Variants in NTM observed in about 807,000 individuals in gnomAD.
The protein encoded by NTM is neurotrimin.
Under a neutral mutation model 42.1 loss-of-function variants are expected in NTM, and 13 were observed. The ratio of observed to expected loss-of-function variants is 0.31; its 90% CI spans 0.20 to 0.49. The LOEUF (loss-of-function observed/expected upper bound fraction) is 0.49. Among genes scored for constraint, NTM ranks in the 20% least tolerant of loss-of-function variants. NTM has a pLI of 0.99. For synonymous variants in NTM, 187 were observed against 179.2 expected (o/e 1.04, Z -0.35); for missense variants, 373 against 452.8 (o/e 0.82, Z 1.60).
At chr11:131,701,813 AG>A (rs1165373737) in intron 1 of NTM, among the ~76,000 whole-genome samples, 1 of 152,038 alleles carries the variant, frequency 6.6e-6, no homozygotes, top group Admixed American at 6.5e-5. Context: ...AAGCCAAGGG[AG>A]GGGTGGAAAT....
At chr11:131,882,391 TGAGGCTCACCCCTGTTATG>T (rs2049679929) in intron 1 of NTM, among the ~76,000 whole-genome samples, 1 of 152,212 alleles carries the variant, frequency 6.6e-6, no homozygotes, top group Admixed American at 6.5e-5. Context: ...ACTGATTGGA[TGAGGCTCACCCCTGTTATG>T]GAGAGTAATC....
At chr11:132,136,326 CTG>C in intron 2 of NTM, among the ~76,000 whole-genome samples, 1 of 152,230 alleles carries the variant, frequency 6.6e-6, no homozygotes, top group East Asian at 1.9e-4. Context: ...CATGTGGGCA[CTG>C]TGTTACCACC....
At chr11:131,402,112 T>C (rs912555537) in intron 1 of NTM, among the ~76,000 whole-genome samples, 1 of 151,614 alleles carries the variant, frequency 6.6e-6, no homozygotes, top group African/African-American at 2.4e-5. Flanking sequence ...AGGGTCGTCA[T>C]TGACCTATAT....
intron 2 of NTM, among the ~76,000 whole-genome samples, chr11:131,948,649 C>G (rs547117797): frequency 2.6e-5 from 4 of 152,258 alleles, no homozygotes; most frequent in African/African-American, 9.6e-5. Flanking sequence ...CCTGGAAAGG[C>G]CATCCTCATG....
intron 1 of NTM, among the ~76,000 whole-genome samples, chr11:131,393,111 C>T (rs1944209059): frequency 6.6e-6 from 1 of 152,164 alleles, no homozygotes; most frequent in Non-Finnish European, 1.5e-5. Context: ...CTCTCTCTGT[C>T]TGGAACGCCC....
chr11:132,242,773 C>T (rs893408004), intron 4 of NTM, among the ~76,000 whole-genome samples: 16 of 152,164 alleles, frequency 1.1e-4, no homozygotes, highest in Non-Finnish European at 2.1e-4. Flanking sequence ...ATGACTCCCT[C>T]GAGGTATTAT....
chr11:132,223,954 T>G (rs2138905917), intron 4 of NTM, among the ~76,000 whole-genome samples: 1 of 152,284 alleles, frequency 6.6e-6, no homozygotes, highest in South Asian at 2.1e-4. Context: ...TGGCTGAGGC[T>G]AGTGACAAGT....
intron 3 of NTM, among the ~76,000 whole-genome samples, chr11:132,189,125 TAGAA>T (rs1301765945): frequency 2.0e-5 from 3 of 152,116 alleles, no homozygotes; most frequent in Admixed American, 6.6e-5. Context: ...TGGTGGATGA[TAGAA>T]AGGAAGAGAG....
intron 1 of NTM, among the ~76,000 whole-genome samples, chr11:131,638,086 T>C (rs1178454589): frequency 2.0e-5 from 3 of 152,160 alleles, no homozygotes; most frequent in African/African-American, 7.2e-5. Context: ...CTCCTTTAGT[T>C]TGACAAATCC....
chr11:132,272,085 C>T (rs1028045806), intron 4 of NTM, among the ~76,000 whole-genome samples: 6 of 152,006 alleles, frequency 3.9e-5, no homozygotes, highest in Admixed American at 3.9e-4. Flanking sequence ...TATTCTTTTG[C>T]ATGTGGATAT....
chr11:131,741,408 C>T (rs1193510390), intron 1 of NTM, among the ~76,000 whole-genome samples: 1 of 152,176 alleles, frequency 6.6e-6, no homozygotes, highest in Non-Finnish European at 1.5e-5. Context: ...ATCCCCATTT[C>T]AAATGTGTCC....
rs1447585912 is a variant in NTM, at chr11:131,911,267, G to C, written c.83-297G>C. On this transcript the variant is annotated intron_variant, in intron 1 of 8. Coordinates refer to ENST00000683400, the MANE Select transcript of NTM (RefSeq NM_001352005.2). ...CCTTTGGCCGTCCTCCGTGGAACCG[G>C]TTTTCCGAGGCTGGCAAAAGCCGAG... 3.5e-6 allele frequency: 5 copies of C among 1,422,840 alleles called. No homozygotes were observed. In the African/African-American group the frequency reaches 5.8e-5, roughly 16 times the overall value. The allele number at this position is 1,422,840 out of a possible 1,614,324, so 88.1% of individuals were successfully genotyped here.
intron 1 of NTM, among the ~76,000 whole-genome samples, chr11:131,374,774 A>T (rs1254030121): frequency 6.6e-6 from 1 of 152,218 alleles, no homozygotes; most frequent in Non-Finnish European, 1.5e-5. Context: ...CTCTCTCAAC[A>T]TCCCAAGAAA....
At chr11:132,054,930 T>C (rs1260920816) in intron 2 of NTM, among the ~76,000 whole-genome samples, 3 of 152,166 alleles carry the variant, frequency 2.0e-5, no homozygotes, top group Non-Finnish European at 4.4e-5. Flanking sequence ...GAATGAATTA[T>C]CTGTGGTTAA....
At chr11:132,048,163 T>A (rs998703040) in intron 2 of NTM, among the ~76,000 whole-genome samples, 2 of 152,106 alleles carry the variant, frequency 1.3e-5, no homozygotes, top group African/African-American at 4.8e-5. Flanking sequence ...TAGAAGAACT[T>A]CAGATCACAC....
At chr11:131,714,244 A>G (rs1197776720) in intron 1 of NTM, among the ~76,000 whole-genome samples, 2 of 152,086 alleles carry the variant, frequency 1.3e-5, no homozygotes, top group Non-Finnish European at 1.5e-5. Context: ...GCTAGAGTAC[A>G]GTGGCGTGAT....
chr11:132,009,867 A>G (rs1395075873), intron 2 of NTM, among the ~76,000 whole-genome samples: 1 of 152,198 alleles, frequency 6.6e-6, no homozygotes, highest in Non-Finnish European at 1.5e-5. Flanking sequence ...AGAAGGATGG[A>G]GAAGAGAGAC....
intron 4 of NTM, among the ~76,000 whole-genome samples, chr11:132,227,594 T>C (rs889974140): frequency 6.6e-6 from 1 of 152,072 alleles, no homozygotes; most frequent in African/African-American, 2.4e-5. Context: ...TTGTTCCTCC[T>C]CCTCAAATAA....
rs918133380 is a variant in NTM, at chr11:132,213,944, T to C, written c.526+1797T>C. ...AGAGACGGGGTTTCACCGTTTTAGCTGGGATGGTCTCGATCTCCTGACCTC... is the reference window on the plus strand; with the variant it reads ...AGAGACGGGGTTTCACCGTTTTAGCCGGGATGGTCTCGATCTCCTGACCTC... On this transcript the variant is annotated intron_variant, in intron 4 of 8. Transcript: ENST00000683400. Among the ~76,000 whole-genome samples the C allele has an allele frequency of 6.9e-5, 9 of 130,184 alleles. 2 individuals carry two copies. Among genetic ancestry groups the C allele is most frequent in the African/African-American group, 1.1e-4 (4 of 36,966 alleles). The allele number at this position is 130,184 out of a possible 152,430, so 85.4% of individuals were successfully genotyped here.
Sources: allele counts gnomAD v4.1 joint callset (sites outside exome capture counted in the v4.1 genomes callset), GRCh38; gene constraint gnomAD v4.1.1; transcripts MANE v1.5; gene names NCBI Gene and HGNC (gene_info 2026-07-23, HGNC 2026-07-21).